Variants in MTERF4 observed in about 807,000 individuals in gnomAD.
The protein encoded by MTERF4 is mitochondrial transcription termination factor 4, also known as transcription termination factor 4, mitochondrial.
In MTERF4, 17 loss-of-function variants were observed where a neutral mutation model predicts 22.5. The ratio of observed to expected loss-of-function variants is 0.75; its 90% CI spans 0.52 to 1.13. The LOEUF (loss-of-function observed/expected upper bound fraction) is 1.13. MTERF4 is among the 50% of genes most tolerant of loss of function. The pLI, the probability that MTERF4 is intolerant of heterozygous loss-of-function variation, is 0.00. For synonymous variants in MTERF4, 165 were observed against 175.3 expected (o/e 0.94, Z 0.47); for missense variants, 420 against 466.8 (o/e 0.90, Z 0.92).
chr2:241,070,055 G>A (rs1407083580), downstream of MTERF4: 5 of 1,612,972 alleles, frequency 3.1e-6, no homozygotes, highest in Non-Finnish European at 4.2e-6. Context: ...AGCACCAAGA[G>A]CCGCTATGTC....
At chr2:241,100,024 C>A in intron 1 of MTERF4, 130 bp from the exon 2 acceptor site, 1 of 1,167,266 alleles carries the variant, frequency 8.6e-7, no homozygotes, top group Non-Finnish European at 1.2e-6. Context: ...AAGCAATCTG[C>A]AAAATCCTAT....
chr2:241,079,640 A>C (rs2063233512), intron 4 of MTERF4, among the ~76,000 whole-genome samples: 1 of 152,198 alleles, frequency 6.6e-6, no homozygotes, highest in Non-Finnish European at 1.5e-5. Flanking sequence ...GAACCAAAAA[A>C]AAGGTTTTAA....
chr2:241,098,585 G>T (rs752663952), intron 2 of MTERF4, among the ~76,000 whole-genome samples: 3 of 152,170 alleles, frequency 2.0e-5, no homozygotes, highest in Non-Finnish European at 4.4e-5. Context: ...AGAAGGGAAG[G>T]CCACTCCACG....
At chr2:241,083,668 C>T (rs989673549), downstream of MTERF4, among the ~76,000 whole-genome samples, 2 of 152,168 alleles carry the variant, frequency 1.3e-5, no homozygotes, top group Admixed American at 6.5e-5. Context: ...CTTAGTTACA[C>T]CAGTGCCTGC....
At chr2:241,058,208 CAAT>C in the MTERF4 span, among the ~76,000 whole-genome samples, 2 of 152,092 alleles carry the variant, frequency 1.3e-5, no homozygotes, top group East Asian at 1.9e-4. Context: ...GGGTGTCTCT[CAAT>C]GATAATTGGT....
At chr2:241,067,660 C>T, downstream of MTERF4, 2 of 909,752 alleles carry the variant, frequency 2.2e-6, no homozygotes, top group Non-Finnish European at 3.3e-6. Flanking sequence ...CAGTGCCTCT[C>T]TGTGGCCCCC....
downstream of MTERF4, chr2:241,094,651 G>A (rs55760994): frequency 3.0e-6 from 1 of 329,006 alleles, no homozygotes; most frequent in African/African-American, 2.2e-5. This position sits in a 1 kb window ranked among gnomAD's most constrained non-coding sequence, Gnocchi z 4.3. Context: ...CCAGGCCTTA[G>A]ATGAGTTTCT....
chr2:241,089,183 C>G, downstream of MTERF4: 1 of 1,043,762 alleles, frequency 9.6e-7, no homozygotes, highest in Non-Finnish European at 1.4e-6. Flanking sequence ...CAGTTTCATA[C>G]TGACCATCAT....
chr2:241,065,632 C>T, the MTERF4 span: 1 of 1,592,698 alleles, frequency 6.3e-7, no homozygotes. Flanking sequence ...CTGCCCAGCC[C>T]CTGCCCCTCG....
the MTERF4 span, among the ~76,000 whole-genome samples, chr2:241,054,182 A>G: frequency 8.7e-3 from 1,322 of 152,200 alleles, 79 homozygotes; most frequent in South Asian, 0.12. Flanking sequence ...CCCCCTCCCA[A>G]TGCTACTTCC....
downstream of MTERF4, among the ~76,000 whole-genome samples, chr2:241,067,212 T>G (rs2062492032): frequency 6.6e-6 from 1 of 152,230 alleles, no homozygotes; most frequent in Non-Finnish European, 1.5e-5. Context: ...TGCCGGGAGC[T>G]GAGCGCTGCC....
At position 241,099,765 on chromosome 2, in the gene MTERF4, C is replaced by G. The variant is rs1425768238; in HGVS notation, c.151G>C (p.Val51Leu). The change falls in exon 2 of 4, where the codon GTC becomes CTC. Residue 51 changes from valine (V) to leucine (L), a missense_variant. Transcript: ENST00000391980. ...CTAACACAAGATAACTCCTCAATGACCCCTCCATTGGAGGCTGTAGTCAGT... is the reference window on the plus strand; with the variant it reads ...CTAACACAAGATAACTCCTCAATGAGCCCTCCATTGGAGGCTGTAGTCAGT... ...RKLTTASNGG[V>L]IEELSCVRSN... 3 of 1,614,048 alleles carry G rather than the reference C, an allele frequency of 1.9e-6. No individual in the cohort carries two copies. The highest frequency in any genetic ancestry group is 2.7e-5 in the African/African-American group (2 of 74,922).
Position 241,096,090 on chromosome 2 carries a change from CATT to C in MTERF4, c.1051_1053del (p.Asn351del), listed in dbSNP as rs2064401020. ...TCATCCTCATCATTGTCATCCTCAT[CATT>C]GTCCTCCTCATCATCGTCATCCTCA... On this transcript the variant is annotated inframe_deletion, in exon 4 of 4. Transcript: ENST00000391980. This position sits in a 1 kb window ranked among gnomAD's most constrained non-coding sequence, Gnocchi z 5.1. 1.2e-6 allele frequency: 2 copies of C among 1,613,432 alleles called. No homozygotes were observed. Among genetic ancestry groups the C allele is most frequent in the South Asian group, 1.1e-5 (1 of 91,074 alleles).
At chr2:241,049,213 A>G in the MTERF4 span, 4 of 1,092,078 alleles carry the variant, frequency 3.7e-6, no homozygotes, top group Middle Eastern at 7.1e-4. Flanking sequence ...TGAGGCAGGC[A>G]GAGGCCAGAG....
the MTERF4 span, among the ~76,000 whole-genome samples, chr2:241,054,488 A>G: frequency 6.6e-6 from 1 of 151,984 alleles, no homozygotes; most frequent in East Asian, 1.9e-4. Context: ...AGATCACTTG[A>G]ACCTGGGAGG....
the MTERF4 span, among the ~76,000 whole-genome samples, chr2:241,042,769 A>G: frequency 1.3e-5 from 2 of 152,264 alleles, no homozygotes; most frequent in Non-Finnish European, 2.9e-5. Context: ...GCAGAAGGAA[A>G]GATCAATGAA....
downstream of MTERF4, chr2:241,094,091 C>T (rs570685210): frequency 2.9e-6 from 1 of 347,808 alleles, no homozygotes; most frequent in East Asian, 7.9e-5. This position sits in a 1 kb window ranked among gnomAD's most constrained non-coding sequence, Gnocchi z 4.3. Flanking sequence ...AATGAAAACA[C>T]TGGCACAGTG....
chr2:241,060,013 A>G, the MTERF4 span, among the ~76,000 whole-genome samples: 2 of 152,248 alleles, frequency 1.3e-5, no homozygotes, highest in Non-Finnish European at 2.9e-5. Flanking sequence ...AAGAAGCTAT[A>G]GAACTAACAA....
the MTERF4 span, among the ~76,000 whole-genome samples, chr2:241,055,003 G>C: frequency 2.0e-5 from 3 of 152,144 alleles, no homozygotes; most frequent in African/African-American, 7.2e-5. Context: ...TGTAATCCCA[G>C]CTACTCAGGA....
Sources: allele counts gnomAD v4.1 joint callset (sites outside exome capture counted in the v4.1 genomes callset), GRCh38; gene constraint gnomAD v4.1.1; non-coding constraint Gnocchi (gnomAD v3.1); transcripts MANE v1.5; gene names NCBI Gene and HGNC (gene_info 2026-07-23, HGNC 2026-07-21).